Variants in FAT2 observed in about 807,000 individuals in gnomAD.
The protein encoded by FAT2 is FAT atypical cadherin 2.
A neutral mutation model predicts 295.3 loss-of-function variants in FAT2; 150 were observed. That is an observed-to-expected ratio of 0.51 (90% confidence interval 0.44 to 0.58). The LOEUF (loss-of-function observed/expected upper bound fraction) is 0.58. Among genes scored for constraint, FAT2 ranks in the 20% least tolerant of loss-of-function variants. The pLI is 0.00. For missense variants in FAT2, 4,868 were observed against 5,442.7 expected, an observed-to-expected ratio of 0.89 and a Z score of 3.32; for synonymous variants, 2,026 against 2,150.3, an observed-to-expected ratio of 0.94 and a Z score of 1.60.
intron 1 of FAT2, among the ~76,000 whole-genome samples, chr5:151,579,759 G>A (rs1040684229): frequency 1.3e-5 from 2 of 151,602 alleles, no homozygotes; most frequent in African/African-American, 4.8e-5. Context: ...GAGAGAGAAA[G>A]ATACTAACTG....
chr5:151,578,912 C>G (rs1450705053), intron 1 of FAT2, among the ~76,000 whole-genome samples: 1 of 152,216 alleles, frequency 6.6e-6, no homozygotes, highest in East Asian at 1.9e-4. Context: ...CACATATACT[C>G]ACTCTGTGTG....
At chr5:151,572,858 C>T (rs1758586508) in intron 1 of FAT2, among the ~76,000 whole-genome samples, 1 of 152,178 alleles carries the variant, frequency 6.6e-6, no homozygotes, top group Non-Finnish European at 1.5e-5. Flanking sequence ...CTGGCCTAGC[C>T]ACAGACTGTT....
upstream of FAT2, among the ~76,000 whole-genome samples, chr5:151,592,595 G>C (rs1759455978): frequency 6.6e-6 from 1 of 152,114 alleles, no homozygotes; most frequent in Admixed American, 6.5e-5. Context: ...CTTCCACCTG[G>C]TTAATAAATA....
chr5:151,559,838 G>A (rs112038458), intron 3 of FAT2, among the ~76,000 whole-genome samples: 1 of 152,032 alleles, frequency 6.6e-6, no homozygotes, highest in Non-Finnish European at 1.5e-5. Context: ...TCAGTATCAG[G>A]GTTCCCAGGA....
In FAT2 at chr5:151,534,509, A is replaced by T. The variant is rs750101625; in HGVS notation, c.9327T>A (p.Asn3109Lys). ...ITLHVEDVND[N>K]APRFFPSHCA... is the part of the protein sequence containing the mutation. ...AGTGGCTGGGGAAGAACCGCGGGGC[A>T]TTGTCATTCACATCCTCCACATGGA... The change falls in exon 13 of 24, where the codon AAT becomes AAA. Residue 3109 changes from asparagine to lysine, a missense_variant. Asn to Lys is a moderately conservative substitution (Grantham distance 94). This residue lies in a region of FAT2 where 1,046 missense variants were observed against 1,210.1 expected (regional missense o/e 0.86). Coordinates refer to ENST00000261800, the MANE Select transcript of FAT2 (RefSeq NM_001447.3). 6.2e-7 allele frequency: 1 copy of T among 1,614,098 alleles called. No individual in the cohort carries two copies. Among genetic ancestry groups the T allele is most frequent in the South Asian group, 1.1e-5 (1 of 91,062 alleles).
Position 151,505,545 on chromosome 5 carries a change from C to T in FAT2, c.*20G>A. On this transcript the variant is annotated 3_prime_UTR_variant, in exon 24 of 24. Coordinates refer to ENST00000261800, the MANE Select transcript of FAT2 (RefSeq NM_001447.3). The stretch of plus-strand genomic sequence containing the variant: ...GTCCAGTCCTTGGCCTCCCGCCTGC[C>T]TTGCTCTGGGAATGGGAAGCTAGAA... The T allele has an allele frequency of 6.2e-7, 1 of 1,613,884 alleles. No individual in the cohort carries two copies. The highest frequency in any genetic ancestry group is 1.1e-5 in the South Asian group (1 of 91,068).
chr5:151,540,861 G>C (rs536633487), intron 10 of FAT2, 98 bp from the exon 11 acceptor site: 1 of 1,121,784 alleles, frequency 8.9e-7, no homozygotes, highest in Non-Finnish European at 1.3e-6. Flanking sequence ...TTTTAGAATT[G>C]TTGGGAAAGC....
At chr5:151,538,076 C>A in intron 11 of FAT2, 130 bp from the exon 12 acceptor site, 15 of 642,716 alleles carry the variant, frequency 2.3e-5, no homozygotes, top group Admixed American at 6.1e-5. Flanking sequence ...CGAAGAGAGA[C>A]AGAAAAAAGA....
intron 3 of FAT2, among the ~76,000 whole-genome samples, chr5:151,562,586 TGG>T (rs1260432139): frequency 6.6e-6 from 1 of 152,198 alleles, no homozygotes; most frequent in Admixed American, 6.5e-5. Flanking sequence ...CGGGCCACTG[TGG>T]CCCAGCGGGA....
At position 151,505,455 on chromosome 5, in the gene FAT2, G is replaced by A. The variant is rs1760762960; in HGVS notation, c.*110C>T. The A allele has an allele frequency of 1.5e-6, 2 of 1,326,880 alleles. No individual in the cohort carries two copies. The highest frequency in any genetic ancestry group is 2.1e-6 in the Non-Finnish European group (2 of 955,202). The allele number at this position is 1,326,880 out of a possible 1,614,324, so 82.2% of individuals were successfully genotyped here. A position where few individuals can be genotyped will look rare whatever the true frequency, so the allele number is the denominator to read the frequency against. The stretch of plus-strand genomic sequence containing the variant: ...CAAGGGACAACAGCCTGGGCTGAGG[G>A]CTTCCCTCCCACTCTCCCAGCCACA... On this transcript the variant is annotated 3_prime_UTR_variant, in exon 24 of 24. Coordinates refer to ENST00000261800, the MANE Select transcript of FAT2 (RefSeq NM_001447.3).
chr5:151,577,752 T>C (rs768527809), intron 1 of FAT2, among the ~76,000 whole-genome samples: 14 of 152,132 alleles, frequency 9.2e-5, no homozygotes, highest in Admixed American at 6.5e-4. Context: ...AGTTTGCAGA[T>C]CCTGATACGC....
intron 17 of FAT2, among the ~76,000 whole-genome samples, chr5:151,526,759 A>T (rs1464077178): frequency 1.3e-5 from 2 of 152,174 alleles, no homozygotes; most frequent in African/African-American, 4.8e-5. Flanking sequence ...GCATAGTAGG[A>T]CCCAGAACTC....
At chr5:151,509,056 C>A (rs1761109321) in intron 22 of FAT2, among the ~76,000 whole-genome samples, 2 of 152,148 alleles carry the variant, frequency 1.3e-5, no homozygotes, top group African/African-American at 2.4e-5. Flanking sequence ...GACAGTTTCC[C>A]TTGCAACTGC....
chr5:151,573,081 C>A (rs1758600477), intron 1 of FAT2, among the ~76,000 whole-genome samples: 1 of 152,166 alleles, frequency 6.6e-6, no homozygotes, highest in African/African-American at 2.4e-5. Flanking sequence ...TATGTATGAA[C>A]CAACTCTGCC....
intron 1 of FAT2, among the ~76,000 whole-genome samples, chr5:151,572,973 G>C (rs1009831606): frequency 9.8e-5 from 15 of 152,362 alleles, no homozygotes; most frequent in African/African-American, 3.6e-4. Context: ...ACATTTACAA[G>C]AGGGCACACA....
At chr5:151,585,724 T>C (rs2127663516) in intron 1 of FAT2, among the ~76,000 whole-genome samples, 1 of 152,300 alleles carries the variant, frequency 6.6e-6, no homozygotes, top group Non-Finnish European at 1.5e-5. Flanking sequence ...TCTGATAGGG[T>C]TCTCTAATAT....
chr5:151,533,749 A>G (rs1032475014), intron 13 of FAT2, among the ~76,000 whole-genome samples: 15 of 151,796 alleles, frequency 9.9e-5, no homozygotes, highest in African/African-American at 3.1e-4. Flanking sequence ...ACATACATAT[A>G]TATATGTGAT....
At chr5:151,565,647 A>ACCGCCCCC in intron 2 of FAT2, 26 bp downstream of exon 2, 9 of 1,461,024 alleles carry the variant, frequency 6.2e-6, no homozygotes, top group Non-Finnish European at 4.6e-6. Context: ...TGGCCCTGGC[A>ACCGCCCCC]CCCCACCCTA....
In FAT2 at chr5:151,531,777, C is replaced by T. The variant is rs372971332; in HGVS notation, c.9621G>A (p.Ser3207=). 22 of 1,612,400 alleles carry T rather than the reference C, an allele frequency of 1.4e-5. No homozygotes were observed. Among genetic ancestry groups the T allele is most frequent in the Non-Finnish European group, 1.7e-5 (20 of 1,180,014 alleles). Residue 3207 remains serine (S), a synonymous_variant, in exon 14 of 24, where the codon TCG becomes TCA. Coordinates refer to ENST00000261800, the MANE Select transcript of FAT2 (RefSeq NM_001447.3). The surrounding 1 kb of genome is among the most constrained non-coding windows in gnomAD (Gnocchi z 5.7). ...GCAGGTAGTCTTCTAGGCCCACCAC[C>T]GAGACTGTGACGGTGCCCAGCGTGG... ...PLSTLGTVTV[S]VVGLEDYLPV...
Sources: allele counts gnomAD v4.1 joint callset (sites outside exome capture counted in the v4.1 genomes callset), GRCh38; gene constraint gnomAD v4.1.1; regional missense constraint gnomAD v4.1.1; non-coding constraint Gnocchi (gnomAD v3.1); transcripts MANE v1.5; gene names NCBI Gene and HGNC (gene_info 2026-07-23, HGNC 2026-07-21).